The following RBFOX1 variants were observed in gnomAD, a reference collection of about 807,000 sequenced individuals.
The protein encoded by RBFOX1 is RNA binding fox-1 homolog 1.
In RBFOX1, 8 loss-of-function variants were observed where a neutral mutation model predicts 57.7. The ratio of observed to expected loss-of-function variants is 0.14; its 90% CI spans 0.08 to 0.25. The LOEUF (loss-of-function observed/expected upper bound fraction) is 0.25. Ranked by LOEUF, RBFOX1 falls within the 10% of genes least tolerant of loss-of-function variation. The pLI, the probability that RBFOX1 is intolerant of heterozygous loss-of-function variation, is 1.00. For synonymous variants in RBFOX1, 326 were observed against 222.4 expected, an observed-to-expected ratio of 1.47 and a Z score of -4.15; for missense variants, 611 against 548.5, an observed-to-expected ratio of 1.11 and a Z score of -1.14.
At chr16:5,642,626 C>G (rs2048918288) in intron 3 of RBFOX1, among the ~76,000 whole-genome samples, 1 of 152,178 alleles carries the variant, frequency 6.6e-6, no homozygotes, top group African/African-American at 2.4e-5. Flanking sequence ...CCTTCCCCAG[C>G]CACCCAGCCT....
rs867647508 is a variant in RBFOX1, at chr16:5,951,132, T to C, written c.351+83797T>C. On this transcript the variant is annotated intron_variant, in intron 4 of 19. Transcript: ENST00000641259. ...CAATCTGAATGAATAGAGAGAGATA[T>C]CCTGAACTTTTTATTTAAAAAGAGT... Among the ~76,000 whole-genome samples the C allele has an allele frequency of 5.5e-4, 83 of 152,030 alleles. 1 individual carries two copies. Among genetic ancestry groups the C allele is most frequent in the Non-Finnish European group, 1.5e-4 (10 of 68,012 alleles).
chr16:5,559,604 G>C (rs1271048035), intron 2 of RBFOX1, among the ~76,000 whole-genome samples: 2 of 152,128 alleles, frequency 1.3e-5, no homozygotes, highest in Non-Finnish European at 2.9e-5. Flanking sequence ...CTGCCCTAAA[G>C]GCGCCCCTCC....
chr16:7,403,746 A>G (rs1482877497), intron 4 of RBFOX1, among the ~76,000 whole-genome samples: 3 of 152,012 alleles, frequency 2.0e-5, no homozygotes, highest in Non-Finnish European at 4.4e-5. Context: ...GGGTTTCACC[A>G]TGTTGGCCAG....
rs1360394265 is a variant in RBFOX1 at position 6,931,338 on chromosome 16, T to TACACACACA, written c.-15-120719_-15-120718insACACACACA. 3.3e-3 allele frequency among the ~76,000 whole-genome samples: 428 copies of TACACACACA among 131,188 alleles called. 5 individuals are homozygous for TACACACACA. Among genetic ancestry groups the TACACACACA allele is most frequent in the African/African-American group, 0.013 (384 of 28,758 alleles). The allele number at this position is 131,188 out of a possible 152,430, so 86.1% of individuals were successfully genotyped here. On this transcript the variant is annotated intron_variant, in intron 3 of 15. Coordinates refer to ENST00000550418, the MANE Select transcript of RBFOX1 (RefSeq NM_018723.4). ...CTATCTATCTATCTATCTATCTATC[T>TACACACACA]CTACACACACACACACACACACACA...
intron 1 of RBFOX1, among the ~76,000 whole-genome samples, chr16:5,272,539 G>C (rs1160014351): frequency 6.6e-6 from 1 of 152,186 alleles, no homozygotes; most frequent in Non-Finnish European, 1.5e-5. Flanking sequence ...CCATCCTCCA[G>C]GGCCGACAAG....
intron 4 of RBFOX1, among the ~76,000 whole-genome samples, chr16:7,466,946 A>T (rs1360659088): frequency 6.6e-6 from 1 of 152,190 alleles, no homozygotes; most frequent in East Asian, 1.9e-4. Flanking sequence ...TTTAATCAAC[A>T]CATATTTACA....
intron 4 of RBFOX1, among the ~76,000 whole-genome samples, chr16:7,511,350 T>G (rs2075027024): frequency 6.6e-6 from 1 of 152,118 alleles, no homozygotes; most frequent in African/African-American, 2.4e-5. Context: ...AAGGGCAATG[T>G]CTTGGGGAAA....
chr16:6,032,981 T>C (rs1348877153), intron 1 of RBFOX1, among the ~76,000 whole-genome samples: 1 of 152,042 alleles, frequency 6.6e-6, no homozygotes, highest in Non-Finnish European at 1.5e-5. Flanking sequence ...CTCTGCTAAT[T>C]GATAACAGCT....
intron 4 of RBFOX1, among the ~76,000 whole-genome samples, chr16:7,266,594 C>T (rs569124641): frequency 1.3e-5 from 2 of 152,270 alleles, no homozygotes; most frequent in Admixed American, 6.5e-5. Context: ...TCTCTGAATA[C>T]CATCGCGTTG....
At chr16:5,348,023 C>G (rs1314094365) in intron 1 of RBFOX1, among the ~76,000 whole-genome samples, 3 of 149,792 alleles carry the variant, frequency 2.0e-5, no homozygotes, top group African/African-American at 7.4e-5. Context: ...ATCCCCCCAC[C>G]TACCCACCCA....
intron 4 of RBFOX1, among the ~76,000 whole-genome samples, chr16:7,234,256 T>A (rs1291223960): frequency 1.3e-5 from 2 of 152,054 alleles, no homozygotes; most frequent in Admixed American, 1.3e-4. Context: ...AGGTAATGAA[T>A]AACCCCACTG....
rs2094558185 is a variant in RBFOX1, at chr16:6,450,032, A to G, written c.-64+132975A>G. On this transcript the variant is annotated intron_variant, in intron 2 of 15. Transcript: ENST00000550418. ...TTATTGGATTGCAATTTGGGGTAAT[A>G]TTAGGAGCCCATCTTTAAGGAGATA... 2.0e-5 allele frequency among the ~76,000 whole-genome samples: 3 copies of G among 152,118 alleles called. No individual in the cohort carries two copies. The South Asian group carries it at 6.2e-4, about 32-fold the overall frequency.
chr16:5,759,907 C>G (rs975466809), intron 3 of RBFOX1, among the ~76,000 whole-genome samples: 1 of 151,882 alleles, frequency 6.6e-6, no homozygotes, highest in Admixed American at 6.6e-5. Context: ...TGCAGTTTTA[C>G]TGTTTAAAAC....
At chr16:5,899,186 T>C (rs1252128630) in intron 4 of RBFOX1, among the ~76,000 whole-genome samples, 1 of 149,374 alleles carries the variant, frequency 6.7e-6, no homozygotes, top group Non-Finnish European at 1.5e-5. Context: ...GACTATCCAC[T>C]GTAGCAGGAT....
At chr16:7,033,859 C>T (rs1430030508) in intron 3 of RBFOX1, among the ~76,000 whole-genome samples, 2 of 152,158 alleles carry the variant, frequency 1.3e-5, no homozygotes, top group African/African-American at 2.4e-5. Flanking sequence ...GGCCCAGCTA[C>T]TCAGGAGGCT....
intron 4 of RBFOX1, among the ~76,000 whole-genome samples, chr16:7,062,388 C>T (rs1165960179): frequency 1.3e-5 from 2 of 151,312 alleles, no homozygotes; most frequent in East Asian, 3.9e-4. Flanking sequence ...TTTCTGTCTT[C>T]CTTCATGGCC....
intron 3 of RBFOX1, among the ~76,000 whole-genome samples, chr16:5,678,415 C>G (rs1360447450): frequency 6.6e-6 from 1 of 152,172 alleles, no homozygotes; most frequent in Non-Finnish European, 1.5e-5. Context: ...CTGCCAGTTT[C>G]TATTGTTCTT....
intron 1 of RBFOX1, among the ~76,000 whole-genome samples, chr16:5,297,392 T>C (rs2063695467): frequency 6.6e-6 from 1 of 152,228 alleles, no homozygotes; most frequent in Admixed American, 6.5e-5. Flanking sequence ...TCTTGCATCC[T>C]CACCAACACT....
intron 1 of RBFOX1, chr16:5,240,149 G>T: frequency 4.6e-6 from 6 of 1,311,488 alleles, no homozygotes; most frequent in Non-Finnish European, 5.3e-6. Context: ...CGGGGGCGCG[G>T]GGGTGCCGGA....
Sources: allele counts gnomAD v4.1 joint callset (sites outside exome capture counted in the v4.1 genomes callset), GRCh38; gene constraint gnomAD v4.1.1; transcripts MANE v1.5; gene names NCBI Gene and HGNC (gene_info 2026-07-23, HGNC 2026-07-21).